MYO3B: variants seen among roughly 807,000 people sequenced by gnomAD.
MYO3B encodes myosin IIIB, also known as myosin-IIIb.
MYO3B carries 156 observed loss-of-function variants against 174.6 expected under a neutral mutation model. The ratio of observed to expected loss-of-function variants is 0.89; its 90% CI spans 0.78 to 1.02. The LOEUF (loss-of-function observed/expected upper bound fraction) is 1.02, where lower values mean the gene tolerates loss of function less well. MYO3B is among the 50% of genes least tolerant of loss of function. The pLI is 0.00. For missense variants in MYO3B, 1,632 were observed against 1,639.4 expected, an observed-to-expected ratio of 1.00 and a Z score of 0.08; for synonymous variants, 563 against 569.1, an observed-to-expected ratio of 0.99 and a Z score of 0.15.
chr2:170,376,284 T>C (rs2094292577), intron 9 of MYO3B, among the ~76,000 whole-genome samples: 1 of 152,236 alleles, frequency 6.6e-6, no homozygotes, highest in South Asian at 2.1e-4. Context: ...CTCAAAGGTC[T>C]GCTATTGTTT....
At chr2:170,546,338 C>G (rs939937475) in intron 32 of MYO3B, among the ~76,000 whole-genome samples, 1 of 152,172 alleles carries the variant, frequency 6.6e-6, no homozygotes, top group African/African-American at 2.4e-5. Context: ...GAATTGAATT[C>G]TTGAACATCC....
chr2:170,285,272 G>GT (rs894574901), intron 7 of MYO3B, among the ~76,000 whole-genome samples: 14 of 151,458 alleles, frequency 9.2e-5, no homozygotes, highest in South Asian at 6.3e-4. Flanking sequence ...ATTCCAAAGG[G>GT]TTTTTTTTGT....
intron 32 of MYO3B, among the ~76,000 whole-genome samples, chr2:170,646,069 C>T (rs1177134390): frequency 2.6e-5 from 4 of 151,846 alleles, no homozygotes; most frequent in African/African-American, 4.8e-5. Context: ...GTCGGGAGTT[C>T]GAGACCAGCC....
chr2:170,573,075 G>A (rs72625220), intron 32 of MYO3B, among the ~76,000 whole-genome samples: 5,862 of 151,716 alleles, frequency 0.039, 247 homozygotes, highest in East Asian at 0.2. Context: ...AATCTGTAAG[G>A]CAGAACCACT....
At chr2:170,481,886 GT>G (rs1685710195) in intron 25 of MYO3B, among the ~76,000 whole-genome samples, 1 of 152,158 alleles carries the variant, frequency 6.6e-6, no homozygotes, top group African/African-American at 2.4e-5. Context: ...CTTTTAGGTA[GT>G]TTATGTATTA....
At chr2:170,423,861 G>A (rs2094639029) in intron 22 of MYO3B, among the ~76,000 whole-genome samples, 1 of 152,198 alleles carries the variant, frequency 6.6e-6, no homozygotes, top group African/African-American at 2.4e-5. Context: ...TCATAGGCAT[G>A]AGCCACCGTG....
chr2:170,632,425 AC>A (rs1697075185), intron 32 of MYO3B, among the ~76,000 whole-genome samples: 1 of 152,226 alleles, frequency 6.6e-6, no homozygotes, highest in South Asian at 2.1e-4. Flanking sequence ...GTTCTTTGAA[AC>A]CAACGAGAAC....
At chr2:170,576,644 T>G (rs1416064579) in intron 32 of MYO3B, among the ~76,000 whole-genome samples, 1 of 152,248 alleles carries the variant, frequency 6.6e-6, no homozygotes, top group Non-Finnish European at 1.5e-5. Context: ...AATGTTCTTG[T>G]GTGTACATAC....
intron 30 of MYO3B, among the ~76,000 whole-genome samples, chr2:170,527,142 G>A (rs116892833): frequency 0.012 from 1,832 of 152,288 alleles, 29 homozygotes; most frequent in East Asian, 0.05. Flanking sequence ...GAGCATCCCA[G>A]GCAGGAGAAA....
rs1686431255 is a variant in MYO3B at position 170,491,005 on chromosome 2, G to GTTAAT, written c.3015-7587_3015-7586insTTAAT. Among the ~76,000 whole-genome samples the GTTAAT allele has an allele frequency of 2.0e-5, 3 of 151,986 alleles. No homozygotes were observed. The South Asian group carries it at 6.2e-4, about 32-fold the overall frequency. On this transcript the variant is annotated intron_variant, in intron 25 of 34. Transcript: ENST00000408978. The stretch of plus-strand genomic sequence containing the variant: ...CTTACCAATTTTATTAACTTTATCA[G>GTTAAT]AAAACCAGCTTTTGGTTTCATCAGT...
chr2:170,237,669 A>G (rs534878922), intron 7 of MYO3B, among the ~76,000 whole-genome samples: 3 of 152,316 alleles, frequency 2.0e-5, no homozygotes, highest in Admixed American at 1.3e-4. Context: ...TCTTGGGAGA[A>G]GCCTCCAGAT....
At chr2:170,211,444 A>G (rs943756865) in intron 3 of MYO3B, among the ~76,000 whole-genome samples, 1 of 152,182 alleles carries the variant, frequency 6.6e-6, no homozygotes, top group Non-Finnish European at 1.5e-5. Flanking sequence ...AAACTTTACT[A>G]ACGTTAACCT....
chr2:170,385,176 C>T (rs1181472692), intron 12 of MYO3B, among the ~76,000 whole-genome samples: 2 of 152,146 alleles, frequency 1.3e-5, no homozygotes, highest in African/African-American at 4.8e-5. Flanking sequence ...ATCCCCCTCC[C>T]AGCACCTCAA....
At chr2:170,241,341 T>C (rs2093130898) in intron 7 of MYO3B, among the ~76,000 whole-genome samples, 1 of 152,198 alleles carries the variant, frequency 6.6e-6, no homozygotes, top group Admixed American at 6.5e-5. Context: ...TCTAAGGACT[T>C]AGGCTTCCTC....
chr2:170,392,016 G>A (rs936336922), intron 15 of MYO3B, among the ~76,000 whole-genome samples: 4 of 151,394 alleles, frequency 2.6e-5, no homozygotes, highest in South Asian at 2.1e-4. Flanking sequence ...TTAGCTACTC[G>A]GGAGGCTGAG....
intron 32 of MYO3B, chr2:170,644,777 A>C (rs1288597837): frequency 6.6e-6 from 1 of 152,260 alleles, no homozygotes; most frequent in African/African-American, 2.4e-5. Flanking sequence ...ACAGTGTGAC[A>C]GTTTGGGATT....
intron 7 of MYO3B, among the ~76,000 whole-genome samples, chr2:170,281,278 G>A (rs13430533): frequency 0.37 from 56,487 of 151,812 alleles, 11,215 homozygotes; most frequent in African/African-American, 0.51. Context: ...CTCTCAGGTT[G>A]GCTGTTGTCA....
At chr2:170,235,550 C>T (rs2093060567) in intron 6 of MYO3B, among the ~76,000 whole-genome samples, 2 of 152,194 alleles carry the variant, frequency 1.3e-5, no homozygotes, top group African/African-American at 2.4e-5. Context: ...CAACATCTCT[C>T]TGCTTAGTTG....
At chr2:170,179,048 A>C (rs557558397) in intron 1 of MYO3B, among the ~76,000 whole-genome samples, 21 of 152,266 alleles carry the variant, frequency 1.4e-4, no homozygotes, top group African/African-American at 4.8e-4. Context: ...GGATTCCTCT[A>C]CCAAGCTCTG....
Sources: gnomAD v4.1 joint callset for allele counts (sites outside exome capture counted in the v4.1 genomes callset) on GRCh38, gnomAD v4.1.1 for gene constraint, MANE v1.5 for transcripts, NCBI Gene and HGNC (gene_info 2026-07-23, HGNC 2026-07-21) for gene names.